RAB40B: variants seen among roughly 807,000 people sequenced by gnomAD.
The protein encoded by RAB40B is ras-related protein Rab-40B.
A neutral mutation model predicts 24.0 loss-of-function variants in RAB40B; 21 were observed. The observed-to-expected ratio is 0.88, with a 90% confidence interval of 0.62 to 1.26. The LOEUF (loss-of-function observed/expected upper bound fraction) is 1.26, where lower values mean the gene tolerates loss of function less well. Among genes scored for constraint, RAB40B ranks in the 50% most tolerant of loss-of-function variants. The pLI, the probability that RAB40B is intolerant of heterozygous loss-of-function variation, is 0.00. For missense variants in RAB40B, 348 were observed against 390.5 expected (o/e 0.89, Z 0.92); for synonymous variants, 167 against 169.8 (o/e 0.98, Z 0.13).
At chr17:82,658,843 T>C in intron 4 of RAB40B, 130 bp from the exon 5 acceptor site, 2 of 794,374 alleles carry the variant, frequency 2.5e-6, no homozygotes, top group Non-Finnish European at 4.0e-6. Flanking sequence ...GCATGGGACC[T>C]CGTTTGGAAA....
intron 1 of RAB40B, among the ~76,000 whole-genome samples, chr17:82,671,260 AAC>A (rs1250406562): frequency 1.8e-4 from 22 of 121,810 alleles, no homozygotes; most frequent in East Asian, 7.1e-4. Flanking sequence ...CTGTAACCCT[AAC>A]ACACACAGTC....
At chr17:82,670,308 C>T (rs113212961) in intron 1 of RAB40B, among the ~76,000 whole-genome samples, 9,195 of 151,692 alleles carry the variant, frequency 0.061, 377 homozygotes, top group Middle Eastern at 0.15. Context: ...CCTCAGCGTC[C>T]CGTGTAGCTG....
At chr17:82,662,579 ACCACACTCTGGGGT>A (rs2046187932) in intron 2 of RAB40B, 1 of 985,026 alleles carries the variant, frequency 1.0e-6, no homozygotes, top group African/African-American at 1.8e-5. Flanking sequence ...ACCAGGAAGG[ACCACACTCTGGGGT>A]CCACACTCCG....
At chr17:82,677,097 C>A (rs1022397987) in intron 1 of RAB40B, among the ~76,000 whole-genome samples, 3 of 151,730 alleles carry the variant, frequency 2.0e-5, no homozygotes, top group African/African-American at 7.3e-5. Context: ...TACAGGCGCC[C>A]GCCACCACGC....
At chr17:82,674,183 A>G (rs2046369828) in intron 1 of RAB40B, among the ~76,000 whole-genome samples, 1 of 151,898 alleles carries the variant, frequency 6.6e-6, no homozygotes, top group Non-Finnish European at 1.5e-5. Flanking sequence ...TCTACTAAAA[A>G]TACAAAATTA....
chr17:82,672,658 C>T lies in RAB40B; in HGVS notation c.143-8102G>A, dbSNP rs529457187. 2.6e-5 allele frequency among the ~76,000 whole-genome samples: 4 copies of T among 152,370 alleles called. No homozygotes were observed. The South Asian group carries it at 6.2e-4, about 24-fold the overall frequency. On this transcript the variant is annotated intron_variant, in intron 1 of 5. Transcript: ENST00000571995. ...GAAGACACCTGAGCTGACGGGCTTG[C>T]GCGATGCCCTCTGCCAGGTTATGAC... is the stretch of plus-strand genomic sequence containing the variant.
intron 1 of RAB40B, among the ~76,000 whole-genome samples, chr17:82,681,456 G>C (rs2046448849): frequency 6.6e-6 from 1 of 152,088 alleles, no homozygotes; most frequent in Non-Finnish European, 1.5e-5. Context: ...CCCTCTGCTT[G>C]GATGAGCACA....
chr17:82,689,483 T>C (rs1265930298), intron 1 of RAB40B, among the ~76,000 whole-genome samples: 1 of 151,884 alleles, frequency 6.6e-6, no homozygotes, highest in African/African-American at 2.4e-5. Context: ...GTTACAGAAG[T>C]AACAGGTCAA....
rs142445256 is a variant in RAB40B, at chr17:82,658,537, G to A, written c.519C>T (p.Ile173=). ...ITESFTELAR[I]VLLRHGMDRL... is the part of the protein sequence containing the mutation. ...GGTCCATCCCATGCCGCAGCAGCAC[G>A]ATCCTGGCCAGCTCCGTGAACGACT... The change falls in exon 5 of 6, where the codon ATC becomes ATT. Residue 173 remains isoleucine, a synonymous_variant. Coordinates refer to ENST00000571995, the MANE Select transcript of RAB40B (RefSeq NM_006822.3). 9.7e-5 allele frequency: 157 copies of A among 1,612,986 alleles called. No homozygotes were observed. The highest frequency in any genetic ancestry group is 9.2e-5 in the Non-Finnish European group (109 of 1,179,978).
chr17:82,682,415 G>T (rs2046456607), intron 1 of RAB40B, among the ~76,000 whole-genome samples: 1 of 152,080 alleles, frequency 6.6e-6, no homozygotes, highest in Non-Finnish European at 1.5e-5. Flanking sequence ...AATCAAAGAA[G>T]ACCTAAATAA....
At position 82,675,689 on chromosome 17, in the gene RAB40B, C is replaced by T. The variant is rs1380330474; in HGVS notation, c.143-11133G>A. Reference sequence around the variant, plus strand: ...AGGTGTCTTCTCCCCATGTCCTCCCCTAGCTGGAGGGGCGAGGGAGCTCTT... The same window carrying T: ...AGGTGTCTTCTCCCCATGTCCTCCCTTAGCTGGAGGGGCGAGGGAGCTCTT... On this transcript the variant is annotated intron_variant, in intron 1 of 5. Transcript: ENST00000571995. The surrounding 1 kb of genome is among the most constrained non-coding windows in gnomAD (Gnocchi z 4.5). Among the ~76,000 whole-genome samples the T allele has an allele frequency of 6.6e-6, 1 of 152,282 alleles. No homozygotes were observed. The highest frequency in any genetic ancestry group is 2.4e-5 in the African/African-American group (1 of 41,558).
rs552057709 is a variant in RAB40B, at chr17:82,679,974, A to T, written c.143-15418T>A. 4.9e-4 allele frequency among the ~76,000 whole-genome samples: 75 copies of T among 152,320 alleles called. 1 individual carries two copies. In the East Asian group the frequency reaches 0.013, roughly 27 times the overall value. ...GGCAGCCACAGTGGCTGTGGGAGGG[A>T]CAGAGGGGCCAGATCCCAGAGCTCC... On this transcript the variant is annotated intron_variant, in intron 1 of 5. Coordinates refer to ENST00000571995, the MANE Select transcript of RAB40B (RefSeq NM_006822.3).
intron 2 of RAB40B, 113 bp from the exon 3 acceptor site, chr17:82,661,160 C>A: frequency 6.6e-7 from 1 of 1,504,836 alleles, no homozygotes. Flanking sequence ...TCAGCAGCCA[C>A]CACGCCGCCA....
At chr17:82,694,009 G>T (rs1353251866) in intron 1 of RAB40B, among the ~76,000 whole-genome samples, 13 of 150,992 alleles carry the variant, frequency 8.6e-5, no homozygotes, top group Admixed American at 8.5e-4. Context: ...CTTGAACCTG[G>T]GAGGCAGAGG....
intron 1 of RAB40B, among the ~76,000 whole-genome samples, chr17:82,672,221 A>G (rs1412337675): frequency 6.8e-5 from 10 of 146,896 alleles, no homozygotes; most frequent in African/African-American, 2.5e-4. Context: ...CACCCCTGTA[A>G]CTCTAACACA....
chr17:82,670,047 C>T (rs975884268), intron 1 of RAB40B, among the ~76,000 whole-genome samples: 3 of 152,128 alleles, frequency 2.0e-5, no homozygotes, highest in African/African-American at 4.8e-5. Flanking sequence ...TGTCTCCAGA[C>T]GAAGGGACAC....
intron 1 of RAB40B, chr17:82,696,504 G>C: frequency 6.4e-6 from 1 of 156,370 alleles, no homozygotes; most frequent in East Asian, 1.9e-4. Flanking sequence ...TGTAGCTCTG[G>C]TAGGGTTCAT....
chr17:82,697,867 C>T lies in RAB40B; in HGVS notation c.142+588G>A, dbSNP rs2046627256. ...GGGGTCCCCTCTTCCGCACGCGAGT[C>T]ACCTGTGCTCCTTCCTCTCCCCCGG... On this transcript the variant is annotated intron_variant, in intron 1 of 5. Transcript: ENST00000571995. This position sits in a 1 kb window ranked among gnomAD's most constrained non-coding sequence, Gnocchi z 4.9. Among the ~76,000 whole-genome samples, 1 of 152,340 alleles carries T rather than the reference C, an allele frequency of 6.6e-6. No individual in the cohort carries two copies. Among genetic ancestry groups the T allele is most frequent in the Non-Finnish European group, 1.5e-5 (1 of 68,018 alleles).
At chr17:82,681,045 AAAAAAG>A (rs1339192281) in intron 1 of RAB40B, among the ~76,000 whole-genome samples, 7 of 146,452 alleles carry the variant, frequency 4.8e-5, no homozygotes, top group African/African-American at 1.5e-4. Flanking sequence ...AAAAAAAAAA[AAAAAAG>A]AAAGAGAAAA....
Sources: gnomAD v4.1 joint callset for allele counts (sites outside exome capture counted in the v4.1 genomes callset) on GRCh38, gnomAD v4.1.1 for gene constraint, Gnocchi (gnomAD v3.1) non-coding constraint, MANE v1.5 for transcripts, NCBI Gene and HGNC (gene_info 2026-07-23, HGNC 2026-07-21) for gene names.